Variants in SGCZ observed in about 807,000 individuals in gnomAD.
The protein encoded by SGCZ is zeta-sarcoglycan.
Under a neutral mutation model 41.3 loss-of-function variants are expected in SGCZ, and 40 were observed. That is an observed-to-expected ratio of 0.97 (90% CI 0.75 to 1.26). The LOEUF (loss-of-function observed/expected upper bound fraction) is 1.26. Among genes scored for constraint, SGCZ ranks in the 50% most tolerant of loss-of-function variants. SGCZ has a pLI of 0.00. For synonymous variants in SGCZ, 206 were observed against 137.5 expected, an observed-to-expected ratio of 1.50 and a Z score of -3.49; for missense variants, 552 against 369.8, an observed-to-expected ratio of 1.49 and a Z score of -4.04.
At chr8:14,474,693 T>G (rs1048991024) in intron 2 of SGCZ, among the ~76,000 whole-genome samples, 1 of 152,206 alleles carries the variant, frequency 6.6e-6, no homozygotes, top group African/African-American at 2.4e-5. Context: ...CAAACAACTT[T>G]GAAACCATAC....
intron 1 of SGCZ, among the ~76,000 whole-genome samples, chr8:15,163,221 G>A (rs1301180935): frequency 6.6e-6 from 1 of 152,116 alleles, no homozygotes; most frequent in African/African-American, 2.4e-5. Context: ...TCATGTGTCG[G>A]CCACCGTTTT....
chr8:14,877,395 T>C (rs1248189767), intron 1 of SGCZ, among the ~76,000 whole-genome samples: 1 of 152,210 alleles, frequency 6.6e-6, no homozygotes, highest in Non-Finnish European at 1.5e-5. Context: ...ATGTCTAAAA[T>C]GTATTATCAA....
At chr8:15,233,221 A>G (rs1039078720) in intron 1 of SGCZ, among the ~76,000 whole-genome samples, 8 of 151,812 alleles carry the variant, frequency 5.3e-5, no homozygotes, top group African/African-American at 1.9e-4. Flanking sequence ...TTTTCACTAT[A>G]GAATGACTAA....
intron 1 of SGCZ, among the ~76,000 whole-genome samples, chr8:14,926,614 G>A (rs967033501): frequency 6.6e-6 from 1 of 151,038 alleles, no homozygotes; most frequent in African/African-American, 2.4e-5. Context: ...ACAGTTTTTT[G>A]TTTGTTTGTT....
intron 3 of SGCZ, among the ~76,000 whole-genome samples, chr8:14,250,306 C>A (rs1372349042): frequency 6.6e-6 from 1 of 152,126 alleles, no homozygotes. Context: ...GTTAAACCTA[C>A]AAATCTATAA....
chr8:14,615,368 T>C (rs1230089167), intron 1 of SGCZ, among the ~76,000 whole-genome samples: 1 of 152,218 alleles, frequency 6.6e-6, no homozygotes, highest in Non-Finnish European at 1.5e-5. Flanking sequence ...GTGATTTCTC[T>C]TCTGTGCTCC....
At chr8:14,682,926 A>C (rs537957323) in intron 1 of SGCZ, among the ~76,000 whole-genome samples, 6 of 152,292 alleles carry the variant, frequency 3.9e-5, no homozygotes, top group African/African-American at 1.4e-4. Flanking sequence ...TTGCCGGCAG[A>C]TGGTGAAAGT....
chr8:14,959,307 T>A (rs1800889466), intron 1 of SGCZ, among the ~76,000 whole-genome samples: 1 of 152,136 alleles, frequency 6.6e-6, no homozygotes, highest in Non-Finnish European at 1.5e-5. Context: ...GATTCCTTTA[T>A]AACTGATGAT....
At chr8:14,544,206 A>G (rs2117159263) in intron 2 of SGCZ, among the ~76,000 whole-genome samples, 1 of 152,252 alleles carries the variant, frequency 6.6e-6, no homozygotes, top group East Asian at 1.9e-4. Flanking sequence ...TAATTTTATA[A>G]TTTCTTATGC....
At chr8:14,258,496 A>G (rs1799542916) in intron 3 of SGCZ, among the ~76,000 whole-genome samples, 1 of 152,200 alleles carries the variant, frequency 6.6e-6, no homozygotes, top group African/African-American at 2.4e-5. Flanking sequence ...TGGAAGAGCC[A>G]AAGTTCTTCA....
At chr8:14,607,245 A>G (rs545552507) in intron 1 of SGCZ, among the ~76,000 whole-genome samples, 1 of 152,246 alleles carries the variant, frequency 6.6e-6, no homozygotes, top group South Asian at 2.1e-4. Flanking sequence ...TTGTTTCCCA[A>G]TGGTCATCCC....
chr8:14,960,971 A>G (rs1157878832), intron 1 of SGCZ, among the ~76,000 whole-genome samples: 2 of 151,092 alleles, frequency 1.3e-5, no homozygotes, highest in East Asian at 3.9e-4. Context: ...ACACTCACTC[A>G]AGCAGAAATC....
chr8:14,163,508 A>G (rs1804110643), intron 5 of SGCZ, among the ~76,000 whole-genome samples: 1 of 152,178 alleles, frequency 6.6e-6, no homozygotes, highest in African/African-American at 2.4e-5. Flanking sequence ...CAGTATCAAT[A>G]TTATCATCAT....
intron 1 of SGCZ, among the ~76,000 whole-genome samples, chr8:14,635,501 A>C (rs1001024619): frequency 6.6e-6 from 1 of 151,950 alleles, no homozygotes; most frequent in Non-Finnish European, 1.5e-5. Flanking sequence ...ACTTTTCATG[A>C]TTTGTTACCC....
rs545606165 is a variant in SGCZ at position 14,707,579 on chromosome 8, G to C, written c.40-152653C>G. ...GGCTAATTCACAAATACTTTTTTTG[G>C]TGATTTGGTTTTTATCTTCAGAATG... On this transcript the variant is annotated intron_variant, in intron 1 of 7. Transcript: ENST00000382080. Among the ~76,000 whole-genome samples the C allele has an allele frequency of 4.4e-4, 67 of 152,046 alleles. No individual in the cohort carries two copies. The Middle Eastern group carries it at 0.01, about 23-fold the overall frequency.
intron 2 of SGCZ, among the ~76,000 whole-genome samples, chr8:14,326,111 C>CAAACAAAAAAAAAAAA: frequency 2.6e-5 from 1 of 37,904 alleles, no homozygotes; most frequent in Non-Finnish European, 4.4e-5. Flanking sequence ...GACTCCGTCT[C>CAAACAAAAAAAAAAAA]AAAAAAAAAA....
intron 1 of SGCZ, among the ~76,000 whole-genome samples, chr8:14,648,505 T>G (rs1020895204): frequency 5.3e-5 from 8 of 152,202 alleles, no homozygotes; most frequent in African/African-American, 1.7e-4. Flanking sequence ...GATGAATATA[T>G]AGTTAAAAGC....
chr8:14,559,326 T>C (rs1035276188), intron 1 of SGCZ, among the ~76,000 whole-genome samples: 8 of 152,126 alleles, frequency 5.3e-5, no homozygotes, highest in African/African-American at 1.7e-4. Flanking sequence ...AGTTCTGCTA[T>C]ACACCAACAG....
chr8:14,700,071 G>C (rs1370637509), intron 1 of SGCZ, among the ~76,000 whole-genome samples: 1 of 151,892 alleles, frequency 6.6e-6, no homozygotes. Flanking sequence ...ACTTAAAAGA[G>C]AACTACCATT....
Sources: gnomAD v4.1 joint callset for allele counts (sites outside exome capture counted in the v4.1 genomes callset) on GRCh38, gnomAD v4.1.1 for gene constraint, MANE v1.5 for transcripts, NCBI Gene and HGNC (gene_info 2026-07-23, HGNC 2026-07-21) for gene names.